The following TENM2 variants were observed in gnomAD, a reference collection of about 807,000 sequenced individuals.
The protein encoded by TENM2 is teneurin-2.
Under a neutral mutation model 245.2 loss-of-function variants are expected in TENM2, and 52 were observed. The ratio of observed to expected loss-of-function variants is 0.21; its 90% CI spans 0.17 to 0.27. The LOEUF (loss-of-function observed/expected upper bound fraction) is 0.27. Among genes scored for constraint, TENM2 ranks in the 10% least tolerant of loss-of-function variants. The pLI, the probability that TENM2 is intolerant of heterozygous loss-of-function variation, is 1.00. For synonymous variants in TENM2, 1,363 were observed against 1,438.9 expected (o/e 0.95, Z 1.19); for missense variants, 3,046 against 3,666.8 (o/e 0.83, Z 4.37).
chr5:167,750,857 T>A (rs1217590723), intron 2 of TENM2, among the ~76,000 whole-genome samples: 1 of 152,172 alleles, frequency 6.6e-6, no homozygotes, highest in Non-Finnish European at 1.5e-5. Context: ...AGCTTAACAT[T>A]TTTCTGGTGC....
chr5:167,795,826 C>A (rs1477558412), intron 2 of TENM2, among the ~76,000 whole-genome samples: 1 of 152,066 alleles, frequency 6.6e-6, no homozygotes, highest in Non-Finnish European at 1.5e-5. Context: ...GGAAGACAAG[C>A]CAGATTTTCA....
the TENM2 span, among the ~76,000 whole-genome samples, chr5:167,110,393 A>G: frequency 6.6e-5 from 10 of 152,350 alleles, no homozygotes; most frequent in Non-Finnish European, 2.9e-5. Context: ...AGATACATGT[A>G]GGTGCATCAC....
intron 2 of TENM2, among the ~76,000 whole-genome samples, chr5:167,517,889 C>G (rs921937231): frequency 5.3e-5 from 8 of 152,006 alleles, no homozygotes; most frequent in Non-Finnish European, 1.0e-4. Flanking sequence ...CTTCCCCGTT[C>G]AAAAGCATTC....
intron 3 of TENM2, among the ~76,000 whole-genome samples, chr5:167,898,125 T>C (rs561618998): frequency 6.6e-6 from 1 of 152,244 alleles, no homozygotes; most frequent in African/African-American, 2.4e-5. Context: ...TGAAATGTGG[T>C]TTTCCTCTCC....
chr5:167,121,864 T>C, the TENM2 span, among the ~76,000 whole-genome samples: 1 of 152,186 alleles, frequency 6.6e-6, no homozygotes, highest in Admixed American at 6.5e-5. Flanking sequence ...AAAACATTCA[T>C]GGGGTGCTGA....
chr5:168,242,604 G>A (rs1766197911), intron 25 of TENM2, among the ~76,000 whole-genome samples: 2 of 152,166 alleles, frequency 1.3e-5, no homozygotes, highest in South Asian at 2.1e-4. Context: ...AACAATGGAT[G>A]CAAAATGCCT....
chr5:167,564,878 T>C (rs1019576412), intron 2 of TENM2, among the ~76,000 whole-genome samples: 2 of 152,266 alleles, frequency 1.3e-5, no homozygotes, highest in African/African-American at 4.8e-5. Flanking sequence ...TAATGGCCTA[T>C]TGGCCAAAGC....
Position 168,098,188 on chromosome 5 carries a change from CG to C in TENM2, c.1813+64del, listed in dbSNP as rs1793521563. 5 of 1,237,596 alleles carry C rather than the reference CG, an allele frequency of 4.0e-6. No homozygotes were observed. The Admixed American group carries it at 5.6e-5, about 14-fold the overall frequency. The allele number at this position is 1,237,596 out of a possible 1,614,324, so 76.7% of individuals were successfully genotyped here. A position where few individuals can be genotyped will look rare whatever the true frequency, so the allele number is the denominator to read the frequency against. ...CAGACCCTCCCTAGGCTTCTCTGAG[CG>C]GGTAACAGAAGGGACATCCAAGTAG... is the stretch of plus-strand genomic sequence containing the variant. On this transcript the variant is annotated intron_variant, in intron 9 of 28. Transcript: ENST00000518659.
the TENM2 span, among the ~76,000 whole-genome samples, chr5:167,018,358 G>C: frequency 1.5e-3 from 224 of 150,512 alleles, no homozygotes; most frequent in East Asian, 0.037. Flanking sequence ...CTTGATAGCT[G>C]AAAGCCATCT....
intron 2 of TENM2, among the ~76,000 whole-genome samples, chr5:167,452,532 A>G (rs926360473): frequency 1.3e-5 from 2 of 152,110 alleles, no homozygotes; most frequent in African/African-American, 2.4e-5. Context: ...ATCAGTGACA[A>G]TTGTTATGTG....
At chr5:168,238,660 C>A (rs561285705) in intron 25 of TENM2, among the ~76,000 whole-genome samples, 2 of 152,316 alleles carry the variant, frequency 1.3e-5, no homozygotes, top group African/African-American at 4.8e-5. Context: ...CCCAGCAGGG[C>A]CGTTTTGAAG....
chr5:168,063,039 A>G (rs1268801730), intron 7 of TENM2, among the ~76,000 whole-genome samples: 1 of 152,250 alleles, frequency 6.6e-6, no homozygotes, highest in Non-Finnish European at 1.5e-5. Flanking sequence ...TCTCCAAAAA[A>G]TAAATGCTAA....
At chr5:167,101,849 TTATA>T in the TENM2 span, among the ~76,000 whole-genome samples, 110 of 69,436 alleles carry the variant, frequency 1.6e-3, 10 homozygotes, top group South Asian at 4.8e-3. Flanking sequence ...ATATATATAT[TTATA>T]TATATATATA....
rs189822801 is a variant in TENM2, at chr5:167,286,257, G to A, written c.226+1194G>A. ...TCCATTGCCATTATAACTCTTGCAG[G>A]ATACAATTTTTATTTAATCTTCCTT... On this transcript the variant is annotated intron_variant, in intron 1 of 28. Transcript: ENST00000518659. Among the ~76,000 whole-genome samples, 24 of 152,220 alleles carry A rather than the reference G, an allele frequency of 1.6e-4. No homozygotes were observed. In the East Asian group the frequency reaches 4.3e-3, roughly 27 times the overall value.
chr5:167,163,481 A>AT, the TENM2 span, among the ~76,000 whole-genome samples: 1 of 152,228 alleles, frequency 6.6e-6, no homozygotes, highest in Non-Finnish European at 1.5e-5. Context: ...CAGATTAAAA[A>AT]ATATATATCC....
intron 2 of TENM2, among the ~76,000 whole-genome samples, chr5:167,441,562 A>G (rs1346472222): frequency 6.7e-6 from 1 of 149,110 alleles, no homozygotes; most frequent in Non-Finnish European, 1.5e-5. Context: ...ATCCTCTTTT[A>G]TCATATTCAA....
At chr5:167,134,970 C>A in the TENM2 span, among the ~76,000 whole-genome samples, 2 of 152,302 alleles carry the variant, frequency 1.3e-5, no homozygotes, top group South Asian at 4.1e-4. Flanking sequence ...ATATTAAGGC[C>A]TTAGCCTTAT....
the TENM2 span, among the ~76,000 whole-genome samples, chr5:167,154,214 T>G: frequency 3.3e-5 from 5 of 152,250 alleles, no homozygotes; most frequent in African/African-American, 1.2e-4. Flanking sequence ...TTCTTTTGTA[T>G]GAAAATTGCA....
intron 7 of TENM2, among the ~76,000 whole-genome samples, chr5:168,068,665 A>G (rs971669061): frequency 6.6e-6 from 1 of 152,108 alleles, no homozygotes; most frequent in Non-Finnish European, 1.5e-5. Context: ...AGGTTTTAGG[A>G]GTACTTACTT....
Sources: gnomAD v4.1 joint callset for allele counts (sites outside exome capture counted in the v4.1 genomes callset) on GRCh38, gnomAD v4.1.1 for gene constraint, MANE v1.5 for transcripts, NCBI Gene and HGNC (gene_info 2026-07-23, HGNC 2026-07-21) for gene names.